Variants in PDGFRA observed in about 807,000 individuals in gnomAD.
PDGFRA encodes platelet derived growth factor receptor alpha.
A neutral mutation model predicts 121.5 loss-of-function variants in PDGFRA; 25 were observed. That is an observed-to-expected ratio of 0.21 (90% CI 0.15 to 0.29). PDGFRA has a LOEUF of 0.29. Ranked by LOEUF, PDGFRA falls within the 10% of genes least tolerant of loss-of-function variation. The probability of loss-of-function intolerance (pLI) is 1.00; values close to 1 mark genes in which losing one functional copy is unlikely to be tolerated. For missense variants in PDGFRA, 1,008 were observed against 1,345.1 expected (o/e 0.75, Z 3.92); for synonymous variants, 463 against 494.8 (o/e 0.94, Z 0.85).
At chr4:54,247,893 T>G (rs1305741411) in intron 1 of PDGFRA, among the ~76,000 whole-genome samples, 1 of 152,146 alleles carries the variant, frequency 6.6e-6, no homozygotes, top group East Asian at 1.9e-4. Context: ...ACAAAATCAA[T>G]GTACAAAAAT....
At chr4:54,248,214 A>G (rs571540871) in intron 1 of PDGFRA, among the ~76,000 whole-genome samples, 2,197 of 152,322 alleles carry the variant, frequency 0.014, 31 homozygotes, top group Non-Finnish European at 0.021. Flanking sequence ...GGAAAAAACT[A>G]CTTTAAAGTT....
intron 15 of PDGFRA, chr4:54,278,843 T>C (rs1361814372): frequency 2.0e-6 from 1 of 496,920 alleles, no homozygotes. Flanking sequence ...GCTTGAGTTC[T>C]GGAACCTTGC....
chr4:54,229,591 G>C (rs1720546000), intron 1 of PDGFRA, among the ~76,000 whole-genome samples, 176 bp downstream of exon 1: 1 of 151,604 alleles, frequency 6.6e-6, no homozygotes, highest in African/African-American at 2.4e-5. Flanking sequence ...CTTCACTTGG[G>C]GACGGGTGGG....
At chr4:54,252,831 C>T (rs1722132812) in intron 1 of PDGFRA, among the ~76,000 whole-genome samples, 2 of 151,190 alleles carry the variant, frequency 1.3e-5, no homozygotes, top group Admixed American at 1.3e-4. Context: ...AGAAGAATGT[C>T]TTGCTGTTAG....
intron 1 of PDGFRA, among the ~76,000 whole-genome samples, chr4:54,232,864 G>C (rs1720761206): frequency 6.6e-6 from 1 of 152,176 alleles, no homozygotes; most frequent in African/African-American, 2.4e-5. Context: ...GGATTTACAG[G>C]CGTAAGCCAC....
chr4:54,270,573 T>C (rs1723283101), intron 7 of PDGFRA, 60 bp from the exon 8 acceptor site: 1 of 893,144 alleles, frequency 1.1e-6, no homozygotes, highest in Non-Finnish European at 1.9e-6. Flanking sequence ...AGTACAATTG[T>C]TTAAACAATT....
chr4:54,231,694 C>T (rs1420624101), intron 1 of PDGFRA, among the ~76,000 whole-genome samples: 1 of 152,272 alleles, frequency 6.6e-6, no homozygotes, highest in East Asian at 1.9e-4. Flanking sequence ...TGGTCAGGCC[C>T]TGCTTCGGAG....
chr4:54,264,334 C>A, intron 4 of PDGFRA: 1 of 304,274 alleles, frequency 3.3e-6, no homozygotes, highest in East Asian at 7.2e-5. Flanking sequence ...CTTTGATGTC[C>A]ACAGTTAGTA....
chr4:54,279,118 C>G (rs547048234), intron 15 of PDGFRA: 2 of 294,394 alleles, frequency 6.8e-6, no homozygotes, highest in South Asian at 6.0e-5. Context: ...CCAACCAAGG[C>G]TTGTGAGTTG....
At chr4:54,273,472 G>T (rs771003872) in intron 9 of PDGFRA, 65 bp from the exon 10 acceptor site, 7 of 1,279,012 alleles carry the variant, frequency 5.5e-6, no homozygotes, top group South Asian at 1.2e-5. Context: ...GAGTGTTCCC[G>T]TGGCTCCACT....
Position 54,258,750 on chromosome 4 carries a change from T to C in PDGFRA, c.-12-7T>C, listed in dbSNP as rs1255023380. On this transcript the variant is annotated splice_polypyrimidine_tract_variant and splice_region_variant and intron_variant, in intron 1 of 22. Transcript: ENST00000257290. The stretch of plus-strand genomic sequence containing the variant: ...ATGCTGTTTCTGTTGACTTTTGACT[T>C]TTCTAGTTTCCCAGAGCTATGGGGA... 1 of 1,602,918 alleles carries C rather than the reference T, an allele frequency of 6.2e-7. No individual in the cohort carries two copies. The highest frequency in any genetic ancestry group is 8.5e-7 in the Non-Finnish European group (1 of 1,169,786).
chr4:54,256,260 G>T (rs569943049), intron 1 of PDGFRA, among the ~76,000 whole-genome samples: 1 of 151,900 alleles, frequency 6.6e-6, no homozygotes, highest in East Asian at 1.9e-4. Context: ...TTTTGTGATG[G>T]AGTCTTGCTC....
At chr4:54,235,380 CCTT>C (rs1449665675) in intron 1 of PDGFRA, among the ~76,000 whole-genome samples, 1 of 152,250 alleles carries the variant, frequency 6.6e-6, no homozygotes, top group Non-Finnish European at 1.5e-5. Flanking sequence ...TGCTGTTAGT[CCTT>C]CTGGAAATAG....
chr4:54,231,036 T>C (rs1190439838), intron 1 of PDGFRA, among the ~76,000 whole-genome samples: 2 of 152,224 alleles, frequency 1.3e-5, no homozygotes, highest in African/African-American at 2.4e-5. Context: ...GAGCTGCCGA[T>C]GGCCTGGCCT....
intron 22 of PDGFRA, among the ~76,000 whole-genome samples, chr4:54,294,772 C>T (rs1724795907): frequency 6.6e-6 from 1 of 152,190 alleles, no homozygotes; most frequent in Admixed American, 6.5e-5. Context: ...GCAGCTTGCA[C>T]CCTGATGGGC....
intron 16 of PDGFRA, among the ~76,000 whole-genome samples, chr4:54,284,462 C>T (rs1724211575): frequency 6.6e-6 from 1 of 152,004 alleles, no homozygotes; most frequent in Admixed American, 6.6e-5. Flanking sequence ...GCTATACAGG[C>T]ATTTGCTTCT....
intron 1 of PDGFRA, among the ~76,000 whole-genome samples, chr4:54,243,249 C>A (rs1464853953): frequency 2.0e-5 from 3 of 152,094 alleles, no homozygotes; most frequent in African/African-American, 7.2e-5. Context: ...AGGCTCAACA[C>A]CTGCTACATA....
At chr4:54,290,770 G>T (rs184694640) in intron 22 of PDGFRA, among the ~76,000 whole-genome samples, 1 of 152,334 alleles carries the variant, frequency 6.6e-6, no homozygotes, top group Non-Finnish European at 1.5e-5. Context: ...TGTGCATGTT[G>T]TGGGGAGAGG....
Position 54,265,043 on chromosome 4 carries a change from A to G in PDGFRA, c.753A>G (p.Gly251=), listed in dbSNP as rs1722959631. 1 of 1,613,528 alleles carries G rather than the reference A, an allele frequency of 6.2e-7. No individual in the cohort carries two copies. Among genetic ancestry groups the G allele is most frequent in the African/African-American group, 1.3e-5 (1 of 74,868 alleles). Residue 251 remains glycine, a synonymous_variant, in exon 5 of 23, where the codon GGA becomes GGG. Coordinates refer to ENST00000257290, the MANE Select transcript of PDGFRA (RefSeq NM_006206.6). Reference sequence around the variant, plus strand: ...TTGACCTTCAATGGACTTACCCTGGAGAAGTGGTAGGTACCCTCAAAACGT... The same window carrying G: ...TTGACCTTCAATGGACTTACCCTGGGGAAGTGGTAGGTACCCTCAAAACGT... ...EVVDLQWTYP[G]EVKGKGITML...
Sources: allele counts gnomAD v4.1 joint callset (sites outside exome capture counted in the v4.1 genomes callset), GRCh38; gene constraint gnomAD v4.1.1; transcripts MANE v1.5; gene names NCBI Gene and HGNC (gene_info 2026-07-23, HGNC 2026-07-21).